The following OR9I1 variants were observed in gnomAD, a reference collection of about 807,000 sequenced individuals.
OR9I1 encodes the protein olfactory receptor 9I1.
A neutral mutation model predicts 11.2 loss-of-function variants in OR9I1; 7 were observed. The observed-to-expected ratio is 0.62, with a 90% CI of 0.36 to 1.17. The LOEUF is 1.17. Among genes scored for constraint, OR9I1 ranks in the 50% most tolerant of loss-of-function variants. The pLI, the probability that OR9I1 is intolerant of heterozygous loss-of-function variation, is 0.02. For synonymous variants in OR9I1, 165 were observed against 153.4 expected, an observed-to-expected ratio of 1.08 and a Z score of -0.56; for missense variants, 428 against 377.2, an observed-to-expected ratio of 1.13 and a Z score of -1.12.
intron 2 of OR9I1, among the ~76,000 whole-genome samples, 188 bp from the exon 3 acceptor site, chr11:58,119,654 G>C (rs1854006671): frequency 6.6e-6 from 1 of 152,136 alleles, no homozygotes; most frequent in Non-Finnish European, 1.5e-5. Context: ...TGGTATTTCT[G>C]ATTCAAACTA....
intron 1 of OR9I1, 25 bp downstream of exon 1, chr11:58,125,249 C>CCCCAA (rs141493207): frequency 2.5e-5 from 2 of 81,212 alleles, no homozygotes; most frequent in Non-Finnish European, 4.6e-5. Context: ...GCCCCCCCCC[C>CCCCAA]AAAAAAAAGC....
chr11:58,119,660 A>G (rs1854006720), intron 2 of OR9I1, among the ~76,000 whole-genome samples, 194 bp from the exon 3 acceptor site: 1 of 152,166 alleles, frequency 6.6e-6, no homozygotes, highest in Admixed American at 6.5e-5. Flanking sequence ...TTCTGATTCA[A>G]ACTAATCCTA....
rs777611262 is a variant in OR9I1 at position 58,119,357 on chromosome 11, C to T, written c.88G>A (p.Val30Met). Residue 30 changes from valine (V) to methionine (M), a missense_variant, in exon 3 of 3, where the codon GTG (valine) becomes ATG (methionine). Val to Met is a conservative substitution (Grantham distance 21). Coordinates refer to ENST00000641439, the MANE Select transcript of OR9I1 (RefSeq NM_001005211.2). ...HPKLEIPLFLVFLSFYLVTLL... is the reference protein window; with the variant it reads ...HPKLEIPLFLMFLSFYLVTLL... ...GTGACTAGGTAGAAACTCAGAAACACCAGAAAGAGGGGAATCTCCAATTTG... is the reference window on the plus strand; with the variant it reads ...GTGACTAGGTAGAAACTCAGAAACATCAGAAAGAGGGGAATCTCCAATTTG... 2.5e-6 allele frequency: 4 copies of T among 1,613,828 alleles called. No homozygotes were observed. In the East Asian group the frequency reaches 8.9e-5, roughly 36 times the overall value.
chr11:58,119,934 C>G (rs1325293989), intron 2 of OR9I1, among the ~76,000 whole-genome samples: 1 of 152,158 alleles, frequency 6.6e-6, no homozygotes, highest in African/African-American at 2.4e-5. Flanking sequence ...CAATTTTAAT[C>G]ACTTCTTCTT....
Position 58,118,851 on chromosome 11 carries a change from G to A in OR9I1, c.594C>T (p.Val198=), listed in dbSNP as rs1853990059. ...TCACAAAATTGCCAAAGAAGATGAT[G>A]ACAATCTCGATGTTTGCTGTGTCAC... is the stretch of plus-strand genomic sequence containing the variant. The part of the protein sequence containing the change: ...ACSDTANIEI[V]IIFFGNFVIL... The change falls in exon 3 of 3, where the codon GTC becomes GTT. Residue 198 remains valine, a synonymous_variant. Transcript: ENST00000641439. 2 of 1,613,896 alleles carry A rather than the reference G, an allele frequency of 1.2e-6. No individual in the cohort carries two copies. Among genetic ancestry groups the A allele is most frequent in the Admixed American group, 1.7e-5 (1 of 60,008 alleles).
Position 58,117,936 on chromosome 11 carries a change from A to C in OR9I1, c.*564T>G, listed in dbSNP as rs1336468254. The C allele has an allele frequency of 1.3e-5, 2 of 152,346 alleles. No homozygotes were observed. The highest frequency in any genetic ancestry group is 2.9e-5 in the Non-Finnish European group (2 of 68,154). The allele number at this position is 152,346 out of a possible 1,614,324, so 9.4% of individuals were successfully genotyped here. ...AAGGAAGACACTCTAAGCGGGTGACACAAGTCTCTTCTGAAGAGAGAAGTT... is the reference window on the plus strand; with the variant it reads ...AAGGAAGACACTCTAAGCGGGTGACCCAAGTCTCTTCTGAAGAGAGAAGTT... On this transcript the variant is annotated 3_prime_UTR_variant, in exon 3 of 3. Coordinates refer to ENST00000641439, the MANE Select transcript of OR9I1 (RefSeq NM_001005211.2).
At chr11:58,119,526 A>T in intron 2 of OR9I1, 60 bp from the exon 3 acceptor site, 1 of 965,770 alleles carries the variant, frequency 1.0e-6, no homozygotes, top group Non-Finnish European at 1.5e-6. Context: ...CTTTCCCTCT[A>T]TGGTGGAAGT....
At position 58,118,176 on chromosome 11, in the gene OR9I1, T is replaced by G. The variant is rs1853977527; in HGVS notation, c.*324A>C. The G allele has an allele frequency of 5.2e-6, 1 of 193,074 alleles. No individual in the cohort carries two copies. The allele number at this position is 193,074 out of a possible 1,614,324, so 12.0% of individuals were successfully genotyped here. On this transcript the variant is annotated 3_prime_UTR_variant, in exon 3 of 3. Transcript: ENST00000641439. Reference sequence around the variant, plus strand: ...AGGGAAAGGATGGCAAGCCCAGGCATGAGTTGAGAGAGTATTGGGTTGGAA... The same window carrying G: ...AGGGAAAGGATGGCAAGCCCAGGCAGGAGTTGAGAGAGTATTGGGTTGGAA...
chr11:58,119,810 C>T (rs11229259), intron 2 of OR9I1, among the ~76,000 whole-genome samples: 33,348 of 143,894 alleles, frequency 0.23, 4,804 homozygotes, highest in East Asian at 0.58. Flanking sequence ...ACTCAGTTGC[C>T]GTATGAGCCT....
rs1259303436 is a variant in OR9I1, at chr11:58,117,816, G to A, written c.*684C>T. 6.6e-6 allele frequency: 1 copy of A among 152,098 alleles called. No individual in the cohort carries two copies. The highest frequency in any genetic ancestry group is 1.5e-5 in the Non-Finnish European group (1 of 68,034). The allele number at this position is 152,098 out of a possible 1,614,324, so 9.4% of individuals were successfully genotyped here. ...GTAGGATGGTTCATTTCATCTTGAA[G>A]ATACCAAAGTAACATTAAAAAAAGG... On this transcript the variant is annotated 3_prime_UTR_variant, in exon 3 of 3. Transcript: ENST00000641439.
Position 58,118,809 on chromosome 11 carries a change from G to C in OR9I1, c.636C>G (p.Ser212=). 1 of 1,614,056 alleles carries C rather than the reference G, an allele frequency of 6.2e-7. No individual in the cohort carries two copies. Among genetic ancestry groups the C allele is most frequent in the Non-Finnish European group, 8.5e-7 (1 of 1,179,994 alleles). Residue 212 remains serine, a synonymous_variant, in exon 3 of 3, where the codon TCC becomes TCG. Transcript: ENST00000641439. ...FGNFVILANA[S]VILISYLLII... is the part of the protein sequence containing the mutation. Reference sequence around the variant, plus strand: ...TGAGCAGATAGGAAATCAGGATGACGGAGGCATTGGCCAAAATCACAAAAT... The same window carrying C: ...TGAGCAGATAGGAAATCAGGATGACCGAGGCATTGGCCAAAATCACAAAAT...
At position 58,117,458 on chromosome 11, in the gene OR9I1, GC is replaced by G. The variant is rs890719054; in HGVS notation, c.*1041del. The G allele has an allele frequency of 2.4e-4, 36 of 152,200 alleles. No individual in the cohort carries two copies. Among genetic ancestry groups the G allele is most frequent in the African/African-American group, 8.4e-4 (35 of 41,516 alleles). The allele number at this position is 152,200 out of a possible 1,614,324, so 9.4% of individuals were successfully genotyped here. The stretch of plus-strand genomic sequence containing the variant: ...TGTTTTTCCCATTTGCCATAGAGTT[GC>G]CAGAAGGCTCAAATAGGAACAAGCA... On this transcript the variant is annotated 3_prime_UTR_variant, in exon 3 of 3. Coordinates refer to ENST00000641439, the MANE Select transcript of OR9I1 (RefSeq NM_001005211.2).
chr11:58,121,549 C>T (rs879352143), intron 2 of OR9I1, among the ~76,000 whole-genome samples: 2 of 152,198 alleles, frequency 1.3e-5, no homozygotes, highest in Admixed American at 6.5e-5. Context: ...GGATCCACAA[C>T]CAAGTCTCCA....
chr11:58,120,580 T>C (rs1854019463), intron 2 of OR9I1, among the ~76,000 whole-genome samples: 1 of 151,884 alleles, frequency 6.6e-6, no homozygotes, highest in Admixed American at 6.6e-5. Flanking sequence ...CTGAACTCAA[T>C]TTGTAGCCTT....
intron 1 of OR9I1, among the ~76,000 whole-genome samples, chr11:58,124,954 C>G (rs1249729549): frequency 6.6e-6 from 1 of 152,082 alleles, no homozygotes; most frequent in Non-Finnish European, 1.5e-5. Context: ...GAGACTAGGA[C>G]TCGGAATAGT....
At position 58,119,100 on chromosome 11, in the gene OR9I1, C is replaced by T; in HGVS notation, c.345G>A (p.Leu115=). 6.2e-7 allele frequency: 1 copy of T among 1,613,930 alleles called. No homozygotes were observed. The highest frequency in any genetic ancestry group is 1.1e-5 in the South Asian group (1 of 91,068). ...TICAGTECFL[L]AVMAYDRYAA... ...CATAGCGATCATAGGCCATCACTGCCAGCAGAAAGCACTCTGTGCCTGCAC... is the reference window on the plus strand; with the variant it reads ...CATAGCGATCATAGGCCATCACTGCTAGCAGAAAGCACTCTGTGCCTGCAC... Residue 115 remains leucine, a synonymous_variant, in exon 3 of 3, where the codon CTG becomes CTA. Coordinates refer to ENST00000641439, the MANE Select transcript of OR9I1 (RefSeq NM_001005211.2).
intron 2 of OR9I1, among the ~76,000 whole-genome samples, chr11:58,119,961 A>G (rs1319881058): frequency 6.6e-6 from 1 of 152,172 alleles, no homozygotes; most frequent in African/African-American, 2.4e-5. Context: ...GCCTTTCACA[A>G]GTTGGAACTG....
intron 2 of OR9I1, among the ~76,000 whole-genome samples, chr11:58,124,218 C>G (rs546630547): frequency 3.3e-5 from 5 of 152,028 alleles, no homozygotes; most frequent in South Asian, 4.2e-4. Flanking sequence ...CTCCCCGAAC[C>G]CAGGACAGTT....
intron 2 of OR9I1, among the ~76,000 whole-genome samples, chr11:58,121,949 T>C (rs1854036991): frequency 6.6e-6 from 1 of 152,178 alleles, no homozygotes; most frequent in African/African-American, 2.4e-5. Context: ...TAATGACTTG[T>C]CCAAAAGTCA....
Sources: gnomAD v4.1 joint callset for allele counts (sites outside exome capture counted in the v4.1 genomes callset) on GRCh38, gnomAD v4.1.1 for gene constraint, MANE v1.5 for transcripts, NCBI Gene and HGNC (gene_info 2026-07-23, HGNC 2026-07-21) for gene names.